NUP210: variants seen among roughly 807,000 people sequenced by gnomAD.
NUP210 encodes the protein nuclear pore membrane glycoprotein 210.
NUP210 carries 151 observed loss-of-function variants against 196.0 expected under a neutral mutation model. The observed-to-expected ratio is 0.77, with a 90% CI of 0.67 to 0.88. NUP210 has a LOEUF of 0.88. Among genes scored for constraint, NUP210 ranks in the 40% least tolerant of loss-of-function variants. The pLI is 0.00. For missense variants in NUP210, 2,314 were observed against 2,493.7 expected (o/e 0.93, Z 1.53); for synonymous variants, 1,070 against 1,052.7 (o/e 1.02, Z -0.32).
intron 1 of NUP210, among the ~76,000 whole-genome samples, chr3:13,417,197 G>A (rs926551528): frequency 2.0e-5 from 3 of 152,146 alleles, no homozygotes; most frequent in Admixed American, 6.5e-5. Context: ...AGTGTCCATC[G>A]CTACAAGACT....
intron 13 of NUP210, among the ~76,000 whole-genome samples, chr3:13,367,445 T>C (rs1397599666): frequency 6.6e-6 from 1 of 152,006 alleles, no homozygotes; most frequent in East Asian, 1.9e-4. Flanking sequence ...TAAAGAAAAA[T>C]AAATAATATT....
Position 13,340,882 on chromosome 3 carries a change from G to C in NUP210, c.3229-584C>G, listed in dbSNP as rs1697455688. Among the ~76,000 whole-genome samples, 1 of 152,162 alleles carries C rather than the reference G, an allele frequency of 6.6e-6. No individual in the cohort carries two copies. Among genetic ancestry groups the C allele is most frequent in the Non-Finnish European group, 1.5e-5 (1 of 68,018 alleles). ...CCTCCTGAAACCCCTACAAGAGCCT[G>C]CCTGGCAAGAGTAGGTGAGTGGACG... is the stretch of plus-strand genomic sequence containing the variant. On this transcript the variant is annotated intron_variant, in intron 23 of 39. Transcript: ENST00000254508. This position sits in a 1 kb window ranked among gnomAD's most constrained non-coding sequence, Gnocchi z 4.0.
intron 1 of NUP210, among the ~76,000 whole-genome samples, chr3:13,400,819 C>T (rs891193985): frequency 6.6e-6 from 1 of 152,186 alleles, no homozygotes; most frequent in Non-Finnish European, 1.5e-5. Context: ...GCTTGTCTCT[C>T]GGGGCCGCAC....
intron 14 of NUP210, among the ~76,000 whole-genome samples, chr3:13,362,032 G>T (rs937091423): frequency 2.0e-5 from 3 of 152,136 alleles, no homozygotes; most frequent in Non-Finnish European, 4.4e-5. Flanking sequence ...CTCTTCTCTG[G>T]CCCCCACTTC....
intron 14 of NUP210, among the ~76,000 whole-genome samples, chr3:13,363,038 G>A (rs1030429590): frequency 4.6e-5 from 7 of 152,190 alleles, no homozygotes; most frequent in South Asian, 2.1e-4. Context: ...ACAAGTTAAT[G>A]TCTACAAGGC....
At position 13,379,483 on chromosome 3, in the gene NUP210, G is replaced by T; in HGVS notation, c.976+80C>A. On this transcript the variant is annotated intron_variant, in intron 7 of 39. Transcript: ENST00000254508. This position sits in a 1 kb window ranked among gnomAD's most constrained non-coding sequence, Gnocchi z 4.2. Reference sequence around the variant, plus strand: ...AAACGGCTATTTTTAGCCCTGCCGAGCTTTCAGGGAAAAAAAGACTTGACT... The same window carrying T: ...AAACGGCTATTTTTAGCCCTGCCGATCTTTCAGGGAAAAAAAGACTTGACT... The T allele has an allele frequency of 6.4e-7, 1 of 1,559,802 alleles. No individual in the cohort carries two copies. The highest frequency in any genetic ancestry group is 8.8e-7 in the Non-Finnish European group (1 of 1,135,252).
intron 11 of NUP210, among the ~76,000 whole-genome samples, chr3:13,374,504 C>A (rs1198806757): frequency 6.6e-6 from 1 of 152,152 alleles, no homozygotes; most frequent in East Asian, 1.9e-4. Context: ...TAGAGGCTCC[C>A]CCTGCCCTCA....
intron 20 of NUP210, chr3:13,344,931 G>A (rs956007628): frequency 1.0e-6 from 1 of 985,244 alleles, no homozygotes; most frequent in Non-Finnish European, 1.2e-6. Context: ...CTGCATCCAC[G>A]TCAGCTCCTC....
intron 4 of NUP210, among the ~76,000 whole-genome samples, chr3:13,388,818 C>A (rs1316348593): frequency 2.0e-5 from 3 of 152,246 alleles, no homozygotes; most frequent in African/African-American, 7.2e-5. Context: ...CCCAAGAGCA[C>A]AGCCCAGTCA....
intron 16 of NUP210, 176 bp from the exon 17 acceptor site, chr3:13,354,283 G>A: frequency 8.2e-6 from 5 of 611,974 alleles, no homozygotes; most frequent in Non-Finnish European, 1.4e-5. Flanking sequence ...TCCCCCCATG[G>A]CCCTGTCCAA....
Position 13,335,473 on chromosome 3 carries a change from G to A in NUP210, c.3824C>T (p.Ser1275Leu), listed in dbSNP as rs188627241. 1.7e-5 allele frequency: 28 copies of A among 1,613,704 alleles called. No individual in the cohort carries two copies. The highest frequency in any genetic ancestry group is 2.3e-5 in the Non-Finnish European group (27 of 1,179,728). ...GQLYGLAREL[S>L]DEIQVQVFEK... is the part of the protein sequence containing the mutation. ...TCCTACCTGGACTTGGATCTCATCCGAGAGTTCTCTGGCCAGGCCATACAG... is the reference window on the plus strand; with the variant it reads ...TCCTACCTGGACTTGGATCTCATCCAAGAGTTCTCTGGCCAGGCCATACAG... The change falls in exon 28 of 40, where the codon TCG becomes TTG. Residue 1275 changes from serine to leucine, a missense_variant. Coordinates refer to ENST00000254508, the MANE Select transcript of NUP210 (RefSeq NM_024923.4).
At position 13,340,291 on chromosome 3, in the gene NUP210, G is replaced by C. The variant is rs144429107; in HGVS notation, c.3236C>G (p.Pro1079Arg). Residue 1079 changes from proline to arginine, a missense_variant, in exon 24 of 40, where the codon CCC (proline) becomes CGC (arginine). Physicochemically the swap from Pro to Arg is moderately radical, Grantham distance 103. Coordinates refer to ENST00000254508, the MANE Select transcript of NUP210 (RefSeq NM_024923.4). This position sits in a 1 kb window ranked among gnomAD's most constrained non-coding sequence, Gnocchi z 4.0. The part of the protein sequence containing the change: ...NSAPQQIEVF[P>R]PFRLMPRKVT... ...CTTCCTGGGCATCAGCCTGAACGGGGGAAAGACCTGTTGAGAGACACAGGA... is the reference window on the plus strand; with the variant it reads ...CTTCCTGGGCATCAGCCTGAACGGGCGAAAGACCTGTTGAGAGACACAGGA... 1.6e-5 allele frequency: 26 copies of C among 1,613,308 alleles called. No homozygotes were observed. Among genetic ancestry groups the C allele is most frequent in the African/African-American group, 5.3e-5 (4 of 74,940 alleles).
At chr3:13,416,458 A>G (rs1337728333) in intron 1 of NUP210, among the ~76,000 whole-genome samples, 3 of 152,218 alleles carry the variant, frequency 2.0e-5, no homozygotes, top group Admixed American at 1.3e-4. Flanking sequence ...AGTGGGTACA[A>G]AAGCTCAAAG....
rs760710735 is a variant in NUP210 at position 13,330,594 on chromosome 3, G to A, written c.3976C>T (p.Pro1326Ser). Residue 1326 changes from proline to serine, a missense_variant, in exon 30 of 40, where the codon CCC (proline) becomes TCC (serine). By Grantham distance (74) the Pro-to-Ser change is moderately conservative. Transcript: ENST00000254508. ...ASLSYRVLDG[P>S]EKVPVVHVDE... ...ACATGCACAACTGGAACCTTTTCGG[G>A]TCCATCCAGGACGCGGTAGCTCAGA... The A allele has an allele frequency of 1.9e-6, 3 of 1,614,172 alleles. No homozygotes were observed. Among genetic ancestry groups the A allele is most frequent in the Non-Finnish European group, 2.5e-6 (3 of 1,180,030 alleles).
intron 27 of NUP210, 28 bp from the exon 28 acceptor site, chr3:13,335,640 G>C (rs1397309094): frequency 1.9e-6 from 3 of 1,611,472 alleles, no homozygotes; most frequent in Non-Finnish European, 2.5e-6. Context: ...ACGTTTTCAG[G>C]GGTAAGGCCC....
rs769477827 is a variant in NUP210 at position 13,360,397 on chromosome 3, G to A, written c.2027C>T (p.Ser676Phe). ...GGPRPWILEP[S>F]KFFQNVTAED... is the part of the protein sequence containing the mutation. ...AGCGGTGACGTTCTGGAAGAATTTG[G>A]ACGGCTCGAGGATCCAAGGTCTGGG... Residue 676 changes from serine (S) to phenylalanine (F), a missense_variant, in exon 15 of 40, where the codon TCC (serine) becomes TTC (phenylalanine). Ser to Phe is a radical substitution (Grantham distance 155). Coordinates refer to ENST00000254508, the MANE Select transcript of NUP210 (RefSeq NM_024923.4). The A allele has an allele frequency of 2.3e-5, 37 of 1,614,040 alleles. 1 individual carries two copies. In the South Asian group the frequency reaches 2.6e-4, roughly 11 times the overall value.
chr3:13,417,779 A>C (rs1168669962), intron 1 of NUP210, among the ~76,000 whole-genome samples: 3 of 152,222 alleles, frequency 2.0e-5, no homozygotes, highest in Non-Finnish European at 4.4e-5. Context: ...ACTACAGATC[A>C]ACGCCAAACA....
At position 13,335,721 on chromosome 3, in the gene NUP210, G is replaced by T. The variant is rs575011564; in HGVS notation, c.3685-109C>A. On this transcript the variant is annotated intron_variant, in intron 27 of 39. Coordinates refer to ENST00000254508, the MANE Select transcript of NUP210 (RefSeq NM_024923.4). ...ACCCCCCAGCCCCCCAGTCCTGGTA[G>T]CTGCTGGCCTGTTCTCAAGGGCTCT... 4.0e-6 allele frequency: 5 copies of T among 1,249,396 alleles called. No individual in the cohort carries two copies. The Admixed American group carries it at 6.5e-5, about 16-fold the overall frequency. 77.4% of individuals were successfully genotyped at this position (1,249,396 alleles called of 1,614,324 possible). A position where few individuals can be genotyped will look rare whatever the true frequency, so the allele number is the denominator to read the frequency against.
Position 13,317,491 on chromosome 3 carries a change from T to C in NUP210, c.*190A>G. On this transcript the variant is annotated 3_prime_UTR_variant, in exon 40 of 40. Transcript: ENST00000254508. The stretch of plus-strand genomic sequence containing the variant: ...AAGGAAAAAAACACACATTTAAAAC[T>C]CCTACATAAAATGAGCTAATGGGCA... 1.7e-6 allele frequency: 1 copy of C among 588,862 alleles called. No homozygotes were observed. The highest frequency in any genetic ancestry group is 3.0e-6 in the Non-Finnish European group (1 of 330,448). The allele number at this position is 588,862 out of a possible 1,614,324, so 36.5% of individuals were successfully genotyped here.
Sources: allele counts gnomAD v4.1 joint callset (sites outside exome capture counted in the v4.1 genomes callset), GRCh38; gene constraint gnomAD v4.1.1; non-coding constraint Gnocchi (gnomAD v3.1); transcripts MANE v1.5; gene names NCBI Gene and HGNC (gene_info 2026-07-23, HGNC 2026-07-21).